WNT10B: variants seen among roughly 807,000 people sequenced by gnomAD.
The protein encoded by WNT10B is Wnt family member 10B.
Under a neutral mutation model 32.7 loss-of-function variants are expected in WNT10B, and 26 were observed. That is an observed-to-expected ratio of 0.79 (90% CI 0.58 to 1.10). The LOEUF is 1.10. Ranked by LOEUF, WNT10B falls within the 50% of genes least tolerant of loss-of-function variation. The pLI is 0.00. For missense variants in WNT10B, 474 were observed against 532.5 expected (o/e 0.89, Z 1.08); for synonymous variants, 204 against 220.4 (o/e 0.93, Z 0.66).
intron 3 of WNT10B, chr12:48,969,138 C>T: frequency 2.1e-6 from 1 of 470,838 alleles, no homozygotes. Flanking sequence ...TTCCCCTACA[C>T]CAGGCCCTGT....
chr12:48,969,459 G>A (rs1272379516), intron 3 of WNT10B, among the ~76,000 whole-genome samples: 1 of 152,146 alleles, frequency 6.6e-6, no homozygotes, highest in East Asian at 1.9e-4. Context: ...ACCAGGAGAG[G>A]CAGCCATGCC....
At position 48,965,793 on chromosome 12, in the gene WNT10B, G is replaced by T. The variant is rs986453506; in HGVS notation, c.*302C>A. The stretch of plus-strand genomic sequence containing the variant: ...CCAGCCAAAAGGAGTATGAATCAGG[G>T]TTAAAGGGGCTCTGGAGTTGAGAAG... On this transcript the variant is annotated 3_prime_UTR_variant, in exon 5 of 5. Coordinates refer to ENST00000301061, the MANE Select transcript of WNT10B (RefSeq NM_003394.4). The T allele has an allele frequency of 2.1e-5, 9 of 429,220 alleles. No homozygotes were observed. In the East Asian group the frequency reaches 4.0e-4, roughly 19 times the overall value. The allele number at this position is 429,220 out of a possible 1,614,324, so 26.6% of individuals were successfully genotyped here.
intron 4 of WNT10B, among the ~76,000 whole-genome samples, chr12:48,967,735 A>C (rs1391536211): frequency 6.6e-6 from 1 of 152,206 alleles, no homozygotes; most frequent in African/African-American, 2.4e-5. Context: ...TATAGGCGTG[A>C]GCCACCACAC....
Position 48,970,240 on chromosome 12 carries a change from G to A in WNT10B, c.186C>T (p.Cys62=), listed in dbSNP as rs777617042. Residue 62 remains cysteine, a synonymous_variant, in exon 3 of 5, where the codon TGC becomes TGT. Coordinates refer to ENST00000301061, the MANE Select transcript of WNT10B (RefSeq NM_003394.4). The surrounding 1 kb of genome is among the most constrained non-coding windows in gnomAD (Gnocchi z 5.0). ...ACGCCGTCACGTCGGGGTTGCGCAG[G>A]CACAGGCCTAGCTGCCGCTTGCTCA... ...SGLSKRQLGL[C]LRNPDVTASA... is the part of the protein sequence containing the mutation. 6.2e-7 allele frequency: 1 copy of A among 1,610,050 alleles called. No individual in the cohort carries two copies. The highest frequency in any genetic ancestry group is 2.2e-5 in the East Asian group (1 of 44,702).
chr12:48,969,089 G>C (rs1745644120), intron 3 of WNT10B: 1 of 470,862 alleles, frequency 2.1e-6, no homozygotes, highest in African/African-American at 2.0e-5. Flanking sequence ...GCCTTTCCCA[G>C]ACTTAAATAA....
chr12:48,969,209 C>T (rs1940800394), intron 3 of WNT10B: 19 of 456,484 alleles, frequency 4.2e-5, no homozygotes, highest in South Asian at 2.6e-4. Flanking sequence ...CCTGAGAAGA[C>T]GAGAGACAGC....
chr12:48,966,665 G>A, intron 4 of WNT10B, 112 bp from the exon 5 acceptor site: 2 of 1,200,302 alleles, frequency 1.7e-6, no homozygotes, highest in South Asian at 1.3e-5. Flanking sequence ...ATGGAGGCAA[G>A]AATAACATGG....
Position 48,968,110 on chromosome 12 carries a change from C to T in WNT10B, c.547G>A (p.Gly183Ser), listed in dbSNP as rs1445753987. The change falls in exon 4 of 5, where the codon GGC (glycine) becomes AGC (serine). Residue 183 changes from glycine to serine, a missense_variant. By Grantham distance (56) the Gly-to-Ser change is moderately conservative (BLOSUM62 0). Coordinates refer to ENST00000301061, the MANE Select transcript of WNT10B (RefSeq NM_003394.4). The stretch of plus-strand genomic sequence containing the variant: ...TGGGGGCCAGGGCTGGGGCTTGAGC[C>T]AGGGCCAGGGCTGGGCAGAGAGTGG... Reference protein sequence around the residue: ...FPHSLPSPGPGSSPSPGPQDT... With the variant: ...FPHSLPSPGPSSSPSPGPQDT... 6.2e-7 allele frequency: 1 copy of T among 1,614,186 alleles called. No homozygotes were observed. Among genetic ancestry groups the T allele is most frequent in the Non-Finnish European group, 8.5e-7 (1 of 1,180,024 alleles).
intron 4 of WNT10B, among the ~76,000 whole-genome samples, chr12:48,967,165 CTTT>C (rs35075432): frequency 1.3e-4 from 14 of 104,376 alleles, no homozygotes; most frequent in African/African-American, 1.2e-4. Flanking sequence ...TAATTTTTGT[CTTT>C]TTTTTTTTTT....
In WNT10B at chr12:48,970,973, GA is replaced by G. The variant is rs1021750160; in HGVS notation, c.-40-405del. ...TCACAGGGCTAGGGAGAGGGATAGG[GA>G]GGAGGTTCCCCACCACCTAAGGGGG... On this transcript the variant is annotated intron_variant, in intron 1 of 4. Transcript: ENST00000301061. The surrounding 1 kb of genome is among the most constrained non-coding windows in gnomAD (Gnocchi z 5.0). 4.3e-6 allele frequency: 1 copy of G among 232,158 alleles called. No individual in the cohort carries two copies. Among genetic ancestry groups the G allele is most frequent in the Non-Finnish European group, 8.6e-6 (1 of 115,836 alleles). The allele number at this position is 232,158 out of a possible 1,614,324, so 14.4% of individuals were successfully genotyped here. A position where few individuals can be genotyped will look rare whatever the true frequency, so the allele number is the denominator to read the frequency against.
At position 48,966,302 on chromosome 12, in the gene WNT10B, G is replaced by A. The variant is rs1940730679; in HGVS notation, c.963C>T (p.Asp321=). The A allele has an allele frequency of 6.2e-7, 1 of 1,614,198 alleles. No homozygotes were observed. The highest frequency in any genetic ancestry group is 8.5e-7 in the Non-Finnish European group (1 of 1,180,034). Residue 321 remains aspartate (D), a synonymous_variant, in exon 5 of 5, where the codon GAC becomes GAT. Coordinates refer to ENST00000301061, the MANE Select transcript of WNT10B (RefSeq NM_003394.4). The part of the protein sequence containing the change: ...FEKSPDFCER[D]PTMGSPGTRG... The stretch of plus-strand genomic sequence containing the variant: ...TTGTCCCTGGGGAGCCCATAGTGGG[G>A]TCTCGCTCACAGAAGTCAGGAGACT...
chr12:48,970,137 G>A lies in WNT10B; in HGVS notation c.289C>T (p.Leu97Phe). 6.5e-7 allele frequency: 1 copy of A among 1,535,244 alleles called. No individual in the cohort carries two copies. The highest frequency in any genetic ancestry group is 8.7e-7 in the Non-Finnish European group (1 of 1,144,268). The change falls in exon 3 of 5, where the codon CTT becomes TTT. Residue 97 changes from leucine (L) to phenylalanine (F), a missense_variant. Transcript: ENST00000301061. This position sits in a 1 kb window ranked among gnomAD's most constrained non-coding sequence, Gnocchi z 5.0. ...TGCGGCAGGCGGCCGCCGCCCTCAAGCGCGGAGCAGTTCCAGCGCTGGTCG... is the reference window on the plus strand; with the variant it reads ...TGCGGCAGGCGGCCGCCGCCCTCAAACGCGGAGCAGTTCCAGCGCTGGTCG... ...LRDQRWNCSALEGGGRLPHHS... is the reference protein window; with the variant it reads ...LRDQRWNCSAFEGGGRLPHHS...
chr12:48,971,537 A>T lies in WNT10B; in HGVS notation c.-123T>A, dbSNP rs1186667158. On this transcript the variant is annotated 5_prime_UTR_variant, in exon 1 of 5. Coordinates refer to ENST00000301061, the MANE Select transcript of WNT10B (RefSeq NM_003394.4). ...CTAGTGCTGCTTAAACCGTGGGGAG[A>T]CTGCGCTGGGTTCTGTCCCCTTGTC... 2 of 151,912 alleles carry T rather than the reference A, an allele frequency of 1.3e-5. No individual in the cohort carries two copies. The highest frequency in any genetic ancestry group is 2.4e-5 in the African/African-American group (1 of 41,286). The allele number at this position is 151,912 out of a possible 1,614,324, so 9.4% of individuals were successfully genotyped here.
At position 48,970,966 on chromosome 12, in the gene WNT10B, G is replaced by C. The variant is rs1011568218; in HGVS notation, c.-40-397C>G. 8.4e-6 allele frequency: 2 copies of C among 238,624 alleles called. No homozygotes were observed. The highest frequency in any genetic ancestry group is 1.7e-5 in the Non-Finnish European group (2 of 119,896). The allele number at this position is 238,624 out of a possible 1,614,324, so 14.8% of individuals were successfully genotyped here. ...CCCGCCCTCACAGGGCTAGGGAGAG[G>C]GATAGGGAGGAGGTTCCCCACCACC... On this transcript the variant is annotated intron_variant, in intron 1 of 4. Coordinates refer to ENST00000301061, the MANE Select transcript of WNT10B (RefSeq NM_003394.4). This position sits in a 1 kb window ranked among gnomAD's most constrained non-coding sequence, Gnocchi z 5.0.
Position 48,970,084 on chromosome 12 carries a change from C to A in WNT10B, c.337+5G>T, listed in dbSNP as rs1192457528. 1 of 1,515,256 alleles carries A rather than the reference C, an allele frequency of 6.6e-7. No homozygotes were observed. Among genetic ancestry groups the A allele is most frequent in the Non-Finnish European group, 8.8e-7 (1 of 1,132,844 alleles). The allele number at this position is 1,515,256 out of a possible 1,614,324, so 93.9% of individuals were successfully genotyped here. A position where few individuals can be genotyped will look rare whatever the true frequency, so the allele number is the denominator to read the frequency against. ...GGCAGCGCCGACCCGCCCAGCCAGG[C>A]TCACCGCGCTTGAGGATGGCGCTGT... On this transcript the variant is annotated splice_donor_5th_base_variant and intron_variant, in intron 3 of 4. Coordinates refer to ENST00000301061, the MANE Select transcript of WNT10B (RefSeq NM_003394.4). The surrounding 1 kb of genome is among the most constrained non-coding windows in gnomAD (Gnocchi z 5.0).
chr12:48,966,125 C>T lies in WNT10B; in HGVS notation c.1140G>A (p.Lys380=). Residue 380 remains lysine, a synonymous_variant, in exon 5 of 5, where the codon AAG becomes AAA. Coordinates refer to ENST00000301061, the MANE Select transcript of WNT10B (RefSeq NM_003394.4). ...WCCYVLCDEC[K]VTEWVNVCK ...TACACACATTCACCCACTCTGTAAC[C>T]TTGCACTCATCACACAGCACATAGC... The T allele has an allele frequency of 6.2e-7, 1 of 1,613,790 alleles. No individual in the cohort carries two copies. The highest frequency in any genetic ancestry group is 8.5e-7 in the Non-Finnish European group (1 of 1,180,034).
rs1330715740 is a variant in WNT10B, at chr12:48,971,650, G to C, written c.-236C>G. The C allele has an allele frequency of 6.6e-6, 1 of 152,460 alleles. No homozygotes were observed. The highest frequency in any genetic ancestry group is 2.4e-5 in the African/African-American group (1 of 41,408). 9.4% of individuals were successfully genotyped at this position (152,460 alleles called of 1,614,324 possible). ...CGCCGGGAGGAAGGGAGGGAGGAAGGGAGGGAGTGATCGAGAGAGCTAGCA... is the reference window on the plus strand; with the variant it reads ...CGCCGGGAGGAAGGGAGGGAGGAAGCGAGGGAGTGATCGAGAGAGCTAGCA... On this transcript the variant is annotated 5_prime_UTR_variant, in exon 1 of 5. Coordinates refer to ENST00000301061, the MANE Select transcript of WNT10B (RefSeq NM_003394.4).
Position 48,966,016 on chromosome 12 carries a change from G to T in WNT10B, c.*79C>A. On this transcript the variant is annotated 3_prime_UTR_variant, in exon 5 of 5. Transcript: ENST00000301061. The stretch of plus-strand genomic sequence containing the variant: ...CTTCCAGGGACCAAGAGTGACCTTG[G>T]AAGGAAATCAGAGCAAAGGGCTGAA... 6.4e-7 allele frequency: 1 copy of T among 1,552,694 alleles called. No individual in the cohort carries two copies.
chr12:48,967,633 A>G (rs952849280), intron 4 of WNT10B, among the ~76,000 whole-genome samples: 1 of 152,086 alleles, frequency 6.6e-6, no homozygotes, highest in Non-Finnish European at 1.5e-5. Context: ...TTTTTTAAAT[A>G]TAGAGATGGG....
Sources: gnomAD v4.1 joint callset for allele counts (sites outside exome capture counted in the v4.1 genomes callset) on GRCh38, gnomAD v4.1.1 for gene constraint, Gnocchi (gnomAD v3.1) non-coding constraint, MANE v1.5 for transcripts, NCBI Gene and HGNC (gene_info 2026-07-23, HGNC 2026-07-21) for gene names.